GMPPB: variants seen among roughly 807,000 people sequenced by gnomAD.
GMPPB encodes mannose-1-phosphate guanylyltransferase catalytic subunit beta.
Under a neutral mutation model 40.3 loss-of-function variants are expected in GMPPB, and 38 were observed. The ratio of observed to expected loss-of-function variants is 0.94; its 90% CI spans 0.73 to 1.24. GMPPB has a LOEUF of 1.24. GMPPB is among the 50% of genes most tolerant of loss of function. GMPPB has a pLI of 0.00. For synonymous variants in GMPPB, 193 were observed against 191.8 expected, an observed-to-expected ratio of 1.01 and a Z score of -0.05; for missense variants, 436 against 487.1, an observed-to-expected ratio of 0.90 and a Z score of 0.99.
chr3:49,720,596 C>A lies in GMPPB; in HGVS notation c.*1156G>T. ...CTATCTCCTGGGACAGCCAGAGCCC[C>A]CAGCACCTGGCACTGCTCTGCCAGC... On this transcript the variant is annotated 3_prime_UTR_variant, in exon 9 of 9. Transcript: ENST00000308388. 6.2e-7 allele frequency: 1 copy of A among 1,611,418 alleles called. No homozygotes were observed. The highest frequency in any genetic ancestry group is 8.5e-7 in the Non-Finnish European group (1 of 1,178,322).
Position 49,721,028 on chromosome 3 carries a change from TGAG to T in GMPPB, c.*721_*723del. 1 of 1,612,110 alleles carries T rather than the reference TGAG, an allele frequency of 6.2e-7. No individual in the cohort carries two copies. Among genetic ancestry groups the T allele is most frequent in the Non-Finnish European group, 8.5e-7 (1 of 1,178,632 alleles). On this transcript the variant is annotated 3_prime_UTR_variant, in exon 9 of 9. Coordinates refer to ENST00000308388, the MANE Select transcript of GMPPB (RefSeq NM_021971.4). ...CACTCTCCTCCCTGCAGCCCACCAG[TGAG>T]GAGGACCTCTGCCCCATCTGCTATG...
rs886692256 is a variant in GMPPB, at chr3:49,720,340, G to C, written c.*1412C>G. On this transcript the variant is annotated 3_prime_UTR_variant, in exon 9 of 9. Coordinates refer to ENST00000308388, the MANE Select transcript of GMPPB (RefSeq NM_021971.4). ...AAGAAAAAAAAAAAAAAAACAGGCTGTGTGGCACCTTACTAGAATACAGGA... is the reference window on the plus strand; with the variant it reads ...AAGAAAAAAAAAAAAAAAACAGGCTCTGTGGCACCTTACTAGAATACAGGA... 1 of 517,356 alleles carries C rather than the reference G, an allele frequency of 1.9e-6. No homozygotes were observed. The highest frequency in any genetic ancestry group is 5.5e-5 in the South Asian group (1 of 18,286). 32.0% of individuals were successfully genotyped at this position (517,356 alleles called of 1,614,324 possible).
chr3:49,720,529 A>G lies in GMPPB; in HGVS notation c.*1223T>C. 2 of 1,600,688 alleles carry G rather than the reference A, an allele frequency of 1.2e-6. No homozygotes were observed. The highest frequency in any genetic ancestry group is 1.3e-5 in the African/African-American group (1 of 74,808). ...TACCTAGGAGAGAGCAAGCCACATC[A>G]GTGCTCCTGGCAGATCCCTGCTTCC... On this transcript the variant is annotated 3_prime_UTR_variant, in exon 9 of 9. Transcript: ENST00000308388.
rs2080404455 is a variant in GMPPB, at chr3:49,721,407, A to C, written c.*345T>G. 2 of 1,424,030 alleles carry C rather than the reference A, an allele frequency of 1.4e-6. No homozygotes were observed. The highest frequency in any genetic ancestry group is 3.3e-5 in the Admixed American group (2 of 59,754). 88.2% of individuals were successfully genotyped at this position (1,424,030 alleles called of 1,614,324 possible). ...TTGCCCTTCTCCTGTATCCCACACC[A>C]CCACATCCAACCTCCTTGCCTGCCT... is the stretch of plus-strand genomic sequence containing the variant. On this transcript the variant is annotated 3_prime_UTR_variant, in exon 9 of 9. Transcript: ENST00000308388.
At position 49,720,460 on chromosome 3, in the gene GMPPB, T is replaced by C. The variant is rs1056684063; in HGVS notation, c.*1292A>G. On this transcript the variant is annotated 3_prime_UTR_variant, in exon 9 of 9. Coordinates refer to ENST00000308388, the MANE Select transcript of GMPPB (RefSeq NM_021971.4). ...CTCATTGGCAATCCCAAGAGAGACT[T>C]TTAGCCAGGCCCCAAGCCTTCTGAC... The C allele has an allele frequency of 2.0e-6, 3 of 1,500,710 alleles. No individual in the cohort carries two copies. Among genetic ancestry groups the C allele is most frequent in the South Asian group, 1.4e-5 (1 of 73,506 alleles). 93.0% of individuals were successfully genotyped at this position (1,500,710 alleles called of 1,614,324 possible).
rs754925005 is a variant in GMPPB at position 49,720,809 on chromosome 3, A to C, written c.*943T>G. ...ACCTACCACTCCCCAGATGCGGATT[A>C]TATCAGTGCCGATGAGCTGGCCCAA... is the stretch of plus-strand genomic sequence containing the variant. On this transcript the variant is annotated 3_prime_UTR_variant, in exon 9 of 9. Transcript: ENST00000308388. The C allele has an allele frequency of 3.1e-6, 5 of 1,614,202 alleles. No individual in the cohort carries two copies. Among genetic ancestry groups the C allele is most frequent in the East Asian group, 2.2e-5 (1 of 44,882 alleles).
chr3:49,723,194 G>C, intron 3 of GMPPB, 60 bp downstream of exon 3: 1 of 1,610,800 alleles, frequency 6.2e-7, no homozygotes, highest in Non-Finnish European at 8.5e-7. Flanking sequence ...CTCCAGGCTG[G>C]GTCTTACCCT....
At chr3:49,723,495 G>A (rs762472949) in intron 1 of GMPPB, 23 bp from the exon 2 acceptor site, 2 of 1,612,914 alleles carry the variant, frequency 1.2e-6, no homozygotes, top group Non-Finnish European at 8.5e-7. Context: ...AGGCCGACGG[G>A]CGGGCTCAGT....
chr3:49,722,870 G>A (rs919066544), intron 4 of GMPPB, 102 bp downstream of exon 4: 1 of 1,498,196 alleles, frequency 6.7e-7, no homozygotes, highest in Non-Finnish European at 9.1e-7. Context: ...ATACTGCACA[G>A]CTCTGTATCC....
Position 49,721,503 on chromosome 3 carries a change from G to A in GMPPB, c.*249C>T, listed in dbSNP as rs777742770. The stretch of plus-strand genomic sequence containing the variant: ...AGCTTGACTTTCAGTCAGGGCCACA[G>A]TGAGCATTAAATTATTATTCCATAC... On this transcript the variant is annotated 3_prime_UTR_variant, in exon 9 of 9. Coordinates refer to ENST00000308388, the MANE Select transcript of GMPPB (RefSeq NM_021971.4). The A allele has an allele frequency of 4.7e-6, 4 of 855,836 alleles. No individual in the cohort carries two copies. Among genetic ancestry groups the A allele is most frequent in the African/African-American group, 1.7e-5 (1 of 60,322 alleles). 53.0% of individuals were successfully genotyped at this position (855,836 alleles called of 1,614,324 possible). A position where few individuals can be genotyped will look rare whatever the true frequency, so the allele number is the denominator to read the frequency against.
chr3:49,720,950 C>A lies in GMPPB; in HGVS notation c.*802G>T. 1 of 1,608,240 alleles carries A rather than the reference C, an allele frequency of 6.2e-7. No homozygotes were observed. Among genetic ancestry groups the A allele is most frequent in the Non-Finnish European group, 8.5e-7 (1 of 1,174,876 alleles). On this transcript the variant is annotated 3_prime_UTR_variant, in exon 9 of 9. Transcript: ENST00000308388. ...CCACTTGAATATGTGTGCACTCCTA[C>A]ACAGGCACAACGGACATCCACATAG... is the stretch of plus-strand genomic sequence containing the variant.
rs1342368479 is a variant in GMPPB at position 49,720,390 on chromosome 3, C to A, written c.*1362G>T. 2 of 998,184 alleles carry A rather than the reference C, an allele frequency of 2.0e-6. No homozygotes were observed. The highest frequency in any genetic ancestry group is 2.8e-6 in the Non-Finnish European group (2 of 725,876). The allele number at this position is 998,184 out of a possible 1,614,324, so 61.8% of individuals were successfully genotyped here. On this transcript the variant is annotated 3_prime_UTR_variant, in exon 9 of 9. Transcript: ENST00000308388. ...ACTTGGGGTTTGGGAAGCAGGGAGA[C>A]GGAAAGGATGCAGGGGGGGTGATCA...
rs758962116 is a variant in GMPPB, at chr3:49,720,402, A to G, written c.*1350T>C. 1.8e-5 allele frequency: 20 copies of G among 1,125,430 alleles called. No homozygotes were observed. Among genetic ancestry groups the G allele is most frequent in the Non-Finnish European group, 2.2e-5 (18 of 829,496 alleles). The allele number at this position is 1,125,430 out of a possible 1,614,324, so 69.7% of individuals were successfully genotyped here. A position where few individuals can be genotyped will look rare whatever the true frequency, so the allele number is the denominator to read the frequency against. On this transcript the variant is annotated 3_prime_UTR_variant, in exon 9 of 9. Coordinates refer to ENST00000308388, the MANE Select transcript of GMPPB (RefSeq NM_021971.4). ...GGAAGCAGGGAGACGGAAAGGATGC[A>G]GGGGGGGTGATCATGTACGAGCCAT...
chr3:49,721,009 C>A lies in GMPPB; in HGVS notation c.*743G>T. 6.2e-7 allele frequency: 1 copy of A among 1,610,236 alleles called. No homozygotes were observed. Among genetic ancestry groups the A allele is most frequent in the Non-Finnish European group, 8.5e-7 (1 of 1,177,246 alleles). On this transcript the variant is annotated 3_prime_UTR_variant, in exon 9 of 9. Transcript: ENST00000308388. ...CCAACTCCAGCCCACCCTTCACTCT[C>A]CTCCCTGCAGCCCACCAGTGAGGAG...
chr3:49,721,885 T>A lies in GMPPB; in HGVS notation c.952-2A>T. On this transcript the variant is annotated splice_acceptor_variant, in intron 8 of 8. Transcript: ENST00000308388. LOFTEE classifies it high-confidence loss of function. ...CACTGTCACGTTCTCCATGCGTACC[T>A]CCAGGAGAGGATAGGCCTTGTCAGG... 1 of 1,613,914 alleles carries A rather than the reference T, an allele frequency of 6.2e-7. No individual in the cohort carries two copies. The highest frequency in any genetic ancestry group is 8.5e-7 in the Non-Finnish European group (1 of 1,179,998).
At chr3:49,723,139 C>A in intron 3 of GMPPB, 25 bp from the exon 4 acceptor site, 5 of 1,613,688 alleles carry the variant, frequency 3.1e-6, no homozygotes, top group Non-Finnish European at 4.2e-6. Flanking sequence ...CAGGTCACCA[C>A]CTTGCTGGAG....
chr3:49,722,794 TC>T, intron 4 of GMPPB, 40 bp from the exon 5 acceptor site: 2 of 1,588,238 alleles, frequency 1.3e-6, no homozygotes, highest in East Asian at 2.2e-5. Context: ...AGTCCAGTGT[TC>T]CTAAGCCTTG....
Position 49,723,372 on chromosome 3 carries a change from G to A in GMPPB, c.210+20C>T, listed in dbSNP as rs1360110702. 1.2e-6 allele frequency: 2 copies of A among 1,613,934 alleles called. No homozygotes were observed. Among genetic ancestry groups the A allele is most frequent in the Non-Finnish European group, 1.7e-6 (2 of 1,179,828 alleles). ...AGTTGGGCGGGGACCGAGAATAAGG[G>A]CCAAGAGTCTGTGCCTCACCCTCTG... is the stretch of plus-strand genomic sequence containing the variant. On this transcript the variant is annotated intron_variant, in intron 2 of 8. Transcript: ENST00000308388.
chr3:49,722,169 C>T, intron 7 of GMPPB, 22 bp from the exon 8 acceptor site: 2 of 1,606,660 alleles, frequency 1.2e-6, no homozygotes, highest in Non-Finnish European at 1.7e-6. Flanking sequence ...GGGAAAAATA[C>T]AAGTGGGCCA....
Sources: gnomAD v4.1 joint callset for allele counts on GRCh38, gnomAD v4.1.1 for gene constraint, MANE v1.5 for transcripts, NCBI Gene and HGNC (gene_info 2026-07-23, HGNC 2026-07-21) for gene names.